Variants in EMID1 observed in about 807,000 individuals in gnomAD.
EMID1 encodes EMI domain-containing protein 1.
Under a neutral mutation model 60.6 loss-of-function variants are expected in EMID1, and 40 were observed. The observed-to-expected ratio is 0.66, with a 90% CI of 0.51 to 0.86. The LOEUF (loss-of-function observed/expected upper bound fraction) is 0.86. Among genes scored for constraint, EMID1 ranks in the 40% least tolerant of loss-of-function variants. EMID1 has a pLI of 0.00. For missense variants in EMID1, 585 were observed against 597.1 expected, an observed-to-expected ratio of 0.98 and a Z score of 0.21; for synonymous variants, 242 against 231.0, an observed-to-expected ratio of 1.05 and a Z score of -0.43.
At chr22:29,225,040 G>A in intron 3 of EMID1, 93 bp from the exon 4 acceptor site, 2 of 1,321,766 alleles carry the variant, frequency 1.5e-6, no homozygotes, top group South Asian at 2.5e-5. Flanking sequence ...GCTGAGGGCA[G>A]TAGGGGTCCC....
At chr22:29,224,970 G>T (rs1196782320) in intron 3 of EMID1, among the ~76,000 whole-genome samples, 163 bp from the exon 4 acceptor site, 1 of 152,192 alleles carries the variant, frequency 6.6e-6, no homozygotes, top group Admixed American at 6.5e-5. Context: ...CTCTAGCTCA[G>T]CCCAGTTCAT....
At position 29,231,552 on chromosome 22, in the gene EMID1, G is replaced by A. The variant is rs187827690; in HGVS notation, c.587-41G>A. On this transcript the variant is annotated intron_variant, in intron 6 of 14. Transcript: ENST00000334018. ...GCTGGGGCCAGGGTGGGGGTCAAGA[G>A]CAGATGTGGAGCTGCCAGTCTGATA... 813 of 1,544,536 alleles carry A rather than the reference G, an allele frequency of 5.3e-4. 2 individuals carry two copies. Among genetic ancestry groups the A allele is most frequent in the Non-Finnish European group, 6.9e-4 (788 of 1,141,284 alleles).
Position 29,259,134 on chromosome 22 carries a change from G to C in EMID1, c.*190G>C, listed in dbSNP as rs2058073950. On this transcript the variant is annotated 3_prime_UTR_variant, in exon 15 of 15. Transcript: ENST00000334018. ...ATGTCTGAGGCTGAGCAAGGGCTGA[G>C]AGGAGAGGCTTGGGCCTCAGTTTCC... is the stretch of plus-strand genomic sequence containing the variant. 3.4e-6 allele frequency: 3 copies of C among 885,680 alleles called. No homozygotes were observed. The highest frequency in any genetic ancestry group is 6.5e-5 in the Admixed American group (2 of 30,716). 54.9% of individuals were successfully genotyped at this position (885,680 alleles called of 1,614,324 possible). A position where few individuals can be genotyped will look rare whatever the true frequency, so the allele number is the denominator to read the frequency against.
chr22:29,232,364 C>A lies in EMID1; in HGVS notation c.785C>A (p.Ala262Asp). The change falls in exon 8 of 15, where the codon GCC (alanine) becomes GAC (aspartate). Residue 262 changes from alanine (A) to aspartate (D), a missense_variant. Physicochemically the swap from Ala to Asp is moderately radical, Grantham distance 126. Transcript: ENST00000334018. Reference protein sequence around the residue: ...PGPPGPPGPPAPVGPPHARIS... With the variant: ...PGPPGPPGPPDPVGPPHARIS... ...CCTCCTGGCCCCCCTGGGCCCCCAGCCCCTGTTGGGCCACCCCATGCCCGG... is the reference window on the plus strand; with the variant it reads ...CCTCCTGGCCCCCCTGGGCCCCCAGACCCTGTTGGGCCACCCCATGCCCGG... 6.2e-7 allele frequency: 1 copy of A among 1,602,812 alleles called. No individual in the cohort carries two copies. Among genetic ancestry groups the A allele is most frequent in the East Asian group, 2.2e-5 (1 of 44,684 alleles).
At chr22:29,217,382 G>A (rs566259385) in intron 3 of EMID1, among the ~76,000 whole-genome samples, 6 of 152,264 alleles carry the variant, frequency 3.9e-5, no homozygotes, top group African/African-American at 2.4e-5. Context: ...TCCCAGCGTG[G>A]GTATGGGATA....
rs1486140975 is a variant in EMID1, at chr22:29,229,764, C to T, written c.466-1256C>T. Among the ~76,000 whole-genome samples the T allele has an allele frequency of 3.3e-5, 5 of 152,232 alleles. No individual in the cohort carries two copies. The East Asian group carries it at 9.6e-4, about 29-fold the overall frequency. ...GTTCCAGGAGCAGTTCCCTGAGCTC[C>T]CTCCCAGGAGAAGCCCATGTAAGAG... On this transcript the variant is annotated intron_variant, in intron 5 of 14. Transcript: ENST00000334018.
chr22:29,215,260 C>G (rs560574124), intron 2 of EMID1: 1 of 985,316 alleles, frequency 1.0e-6, no homozygotes, highest in Non-Finnish European at 1.2e-6. Flanking sequence ...GCCTGCATTC[C>G]TTTACTCAGT....
intron 6 of EMID1, 150 bp from the exon 7 acceptor site, chr22:29,231,442 AC>A (rs3835212): frequency 0.035 from 29,898 of 865,132 alleles, 1,639 homozygotes; most frequent in African/African-American, 0.16. Context: ...ACCTCTGCCT[AC>A]CCCCCCCACC....
At position 29,215,143 on chromosome 22, in the gene EMID1, C is replaced by G. The variant is rs915361981; in HGVS notation, c.215+104C>G. 5 of 1,430,974 alleles carry G rather than the reference C, an allele frequency of 3.5e-6. No homozygotes were observed. In the East Asian group the frequency reaches 1.3e-4, roughly 36 times the overall value. The allele number at this position is 1,430,974 out of a possible 1,614,324, so 88.6% of individuals were successfully genotyped here. A position where few individuals can be genotyped will look rare whatever the true frequency, so the allele number is the denominator to read the frequency against. On this transcript the variant is annotated intron_variant, in intron 2 of 14. Transcript: ENST00000334018. The stretch of plus-strand genomic sequence containing the variant: ...TGGGGAGTGTGGGGGAAGACTGGAC[C>G]CCAGGGTGGGCGGAGCAAAGGTAGC...
At position 29,259,204 on chromosome 22, in the gene EMID1, T is replaced by G; in HGVS notation, c.*260T>G. ...GCAGGCCTTCAAGGAGGGATAGAGG[T>G]ACAAGGCTTCGTCTCATCTGCTGTC... On this transcript the variant is annotated 3_prime_UTR_variant, in exon 15 of 15. Transcript: ENST00000334018. 1 of 523,744 alleles carries G rather than the reference T, an allele frequency of 1.9e-6. No individual in the cohort carries two copies. The highest frequency in any genetic ancestry group is 3.3e-6 in the Non-Finnish European group (1 of 304,566). 32.4% of individuals were successfully genotyped at this position (523,744 alleles called of 1,614,324 possible). A position where few individuals can be genotyped will look rare whatever the true frequency, so the allele number is the denominator to read the frequency against.
chr22:29,244,554 G>A (rs984769971), intron 13 of EMID1, among the ~76,000 whole-genome samples: 1 of 151,626 alleles, frequency 6.6e-6, no homozygotes, highest in African/African-American at 2.4e-5. Flanking sequence ...CAGGGGAATC[G>A]CTTGAACCCA....
chr22:29,231,111 A>G lies in EMID1; in HGVS notation c.557A>G (p.Gln186Arg), dbSNP rs1367963906. ...CCGCTCTGGGGTCCCCCTCCTGCCC[A>G]GGGCAGCCCCGGAGATGGAGGCCTC... Reference protein sequence around the residue: ...PAPLWGPPPAQGSPGDGGLQD... With the variant: ...PAPLWGPPPARGSPGDGGLQD... Residue 186 changes from glutamine to arginine, a missense_variant, in exon 6 of 15, where the codon CAG (glutamine) becomes CGG (arginine). Physicochemically the swap from Gln to Arg is conservative, Grantham distance 43. Transcript: ENST00000334018. 1.9e-6 allele frequency: 3 copies of G among 1,610,782 alleles called. No homozygotes were observed. Among genetic ancestry groups the G allele is most frequent in the African/African-American group, 1.3e-5 (1 of 74,796 alleles).
chr22:29,247,089 G>A (rs896109622), intron 13 of EMID1, among the ~76,000 whole-genome samples: 4 of 151,764 alleles, frequency 2.6e-5, no homozygotes, highest in Non-Finnish European at 5.9e-5. Context: ...AGCAATTCTC[G>A]TGCCTCAGCC....
At chr22:29,229,543 C>T (rs563529110) in intron 5 of EMID1, among the ~76,000 whole-genome samples, 6 of 150,412 alleles carry the variant, frequency 4.0e-5, no homozygotes, top group East Asian at 2.0e-4. Context: ...CTAGGGAGGC[C>T]GAGGCAGGAG....
intron 13 of EMID1, among the ~76,000 whole-genome samples, chr22:29,253,659 A>G (rs1010590426): frequency 6.6e-6 from 1 of 152,268 alleles, no homozygotes; most frequent in Non-Finnish European, 1.5e-5. Context: ...ATTGAAAGTC[A>G]AGGAACATCT....
rs192833605 is a variant in EMID1 at position 29,233,139 on chromosome 22, G to T, written c.824-240G>T. On this transcript the variant is annotated intron_variant, in intron 8 of 14. Coordinates refer to ENST00000334018, the MANE Select transcript of EMID1 (RefSeq NM_133455.4). ...CAGTACAGGCTCTGAAAAGTAGAAA[G>T]TGTTGCTGGATGTCACCAGCTGGAT... 683 of 567,998 alleles carry T rather than the reference G, an allele frequency of 1.2e-3. 3 individuals are homozygous for T. Among genetic ancestry groups the T allele is most frequent in the Non-Finnish European group, 1.7e-3 (537 of 317,064 alleles). The allele number at this position is 567,998 out of a possible 1,614,324, so 35.2% of individuals were successfully genotyped here.
intron 3 of EMID1, among the ~76,000 whole-genome samples, chr22:29,218,363 G>A (rs113311204): frequency 6.6e-6 from 1 of 152,224 alleles, no homozygotes; most frequent in African/African-American, 2.4e-5. Flanking sequence ...ACTTTGTGAC[G>A]AATGAGGATT....
chr22:29,220,741 A>G (rs970916070), intron 3 of EMID1, among the ~76,000 whole-genome samples: 1 of 152,150 alleles, frequency 6.6e-6, no homozygotes, highest in South Asian at 2.1e-4. Context: ...TCCCACTGCA[A>G]GGACAGAGCG....
intron 3 of EMID1, among the ~76,000 whole-genome samples, chr22:29,221,810 G>T (rs1187609009): frequency 6.6e-6 from 1 of 152,122 alleles, no homozygotes; most frequent in African/African-American, 2.4e-5. Flanking sequence ...TCAGAATTTT[G>T]GGGGAGTTTT....
Sources: gnomAD v4.1 joint callset for allele counts (sites outside exome capture counted in the v4.1 genomes callset) on GRCh38, gnomAD v4.1.1 for gene constraint, MANE v1.5 for transcripts, NCBI Gene and HGNC (gene_info 2026-07-23, HGNC 2026-07-21) for gene names.